The following NSUN6 variants were observed in gnomAD, a reference collection of about 807,000 sequenced individuals.
NSUN6 encodes NOP2/Sun RNA methyltransferase 6.
Under a neutral mutation model 58.0 loss-of-function variants are expected in NSUN6, and 64 were observed. That is an observed-to-expected ratio of 1.10 (90% CI 0.90 to 1.36). The LOEUF (loss-of-function observed/expected upper bound fraction) is 1.36. NSUN6 is among the 40% of genes most tolerant of loss of function. NSUN6 has a pLI of 0.00. For missense variants in NSUN6, 701 were observed against 550.1 expected (o/e 1.27, Z -2.74); for synonymous variants, 231 against 193.9 (o/e 1.19, Z -1.59).
chr10:18,569,176 TTCCATTCCATTC>T (rs943413484), intron 8 of NSUN6, among the ~76,000 whole-genome samples: 3 of 151,256 alleles, frequency 2.0e-5, no homozygotes, highest in Non-Finnish European at 4.4e-5. Flanking sequence ...CTCTATTCCA[TTCCATTCCATTC>T]TCCATTCCAT....
chr10:18,621,563 C>T (rs1014797527), intron 3 of NSUN6, among the ~76,000 whole-genome samples: 14 of 152,046 alleles, frequency 9.2e-5, no homozygotes, highest in African/African-American at 3.4e-4. Context: ...AAAGTTGGTG[C>T]AAGGCCATAA....
rs185409110 is a variant in NSUN6 at position 18,580,469 on chromosome 10, C to T, written c.922+5480G>A. Among the ~76,000 whole-genome samples the T allele has an allele frequency of 2.8e-3, 434 of 152,284 alleles. 4 individuals are homozygous for T. Among genetic ancestry groups the T allele is most frequent in the South Asian group, 0.016 (77 of 4,824 alleles). Reference sequence around the variant, plus strand: ...CTTGTTTCATGTGCCCCAGTTCCACCTTGCACAGGCTATAATTCCAGATAA... The same window carrying T: ...CTTGTTTCATGTGCCCCAGTTCCACTTTGCACAGGCTATAATTCCAGATAA... On this transcript the variant is annotated intron_variant, in intron 8 of 10. Transcript: ENST00000377304.
upstream of NSUN6, chr10:18,659,310 G>T (rs2059813519): frequency 3.2e-6 from 1 of 310,810 alleles, no homozygotes; most frequent in Non-Finnish European, 5.9e-6. Flanking sequence ...CCTAGCTTCC[G>T]GCGATGGGTG....
chr10:18,652,838 C>T (rs554274507), upstream of NSUN6: 22 of 927,070 alleles, frequency 2.4e-5, no homozygotes, highest in East Asian at 1.2e-3. Context: ...GGATTACAGG[C>T]GTGAGCCACC....
Position 18,596,250 on chromosome 10 carries a change from A to G in NSUN6, c.735T>C (p.Pro245=), listed in dbSNP as rs2057581440. ...GEKILDLCAA[P]GGKTTHIAAL... is the part of the protein sequence containing the mutation. ...CTGCAATGTGTGTTGTTTTCCCTCC[A>G]GGTGCTGCACACAAGTCTAGAATCT... Residue 245 remains proline (P), a synonymous_variant, in exon 7 of 11, where the codon CCT becomes CCC. Transcript: ENST00000377304. 3.7e-6 allele frequency: 6 copies of G among 1,610,690 alleles called. No homozygotes were observed. Among genetic ancestry groups the G allele is most frequent in the African/African-American group, 2.7e-5 (2 of 74,992 alleles).
chr10:18,552,014 G>A, intron 8 of NSUN6, 43 bp from the exon 9 acceptor site: 2 of 1,229,442 alleles, frequency 1.6e-6, no homozygotes, highest in Non-Finnish European at 1.2e-6. Context: ...TTCCATATAG[G>A]TTTAAACTAG....
At chr10:18,600,364 C>A (rs1675176791) in intron 6 of NSUN6, among the ~76,000 whole-genome samples, 1 of 152,222 alleles carries the variant, frequency 6.6e-6, no homozygotes, top group Non-Finnish European at 1.5e-5. Flanking sequence ...GTGGCTCATG[C>A]CTGTAATCCC....
intron 8 of NSUN6, among the ~76,000 whole-genome samples, chr10:18,575,161 G>A (rs2056586720): frequency 6.6e-6 from 1 of 152,146 alleles, no homozygotes; most frequent in African/African-American, 2.4e-5. Context: ...CCAATTGGGG[G>A]CCCCAGGCCA....
intron 8 of NSUN6, among the ~76,000 whole-genome samples, chr10:18,576,709 G>T (rs979752780): frequency 6.6e-6 from 1 of 152,292 alleles, no homozygotes; most frequent in African/African-American, 2.4e-5. Flanking sequence ...GACCGGAAGG[G>T]ATGCAGTGAG....
intron 8 of NSUN6, among the ~76,000 whole-genome samples, chr10:18,581,265 A>G (rs1457331020): frequency 6.6e-6 from 1 of 152,158 alleles, no homozygotes; most frequent in East Asian, 1.9e-4. Context: ...TCTTAGTCAC[A>G]GGATGATACA....
At chr10:18,636,192 C>G in intron 3 of NSUN6, among the ~76,000 whole-genome samples, 1 of 151,962 alleles carries the variant, frequency 6.6e-6, no homozygotes, top group Admixed American at 6.6e-5. Context: ...TAACCTTCGG[C>G]AAAGGGCAGG....
rs1374441619 is a variant in NSUN6 at position 18,548,156 on chromosome 10, C to A, written c.1153G>T (p.Ala385Ser). ...CAAGGAAATTTTGTCAGGGCCCAGG[C>A]AACCTGTTCTTCATTTTCGGCCAGT... ...ITLAENEEQV[A>S]WALTKFPCLQ... is the part of the protein sequence containing the mutation. The change falls in exon 10 of 11, where the codon GCC becomes TCC. Residue 385 changes from alanine to serine, a missense_variant. Ala to Ser is a moderately conservative substitution (Grantham distance 99). Coordinates refer to ENST00000377304, the MANE Select transcript of NSUN6 (RefSeq NM_182543.5). The A allele has an allele frequency of 6.2e-7, 1 of 1,613,862 alleles. No individual in the cohort carries two copies. The highest frequency in any genetic ancestry group is 8.5e-7 in the Non-Finnish European group (1 of 1,179,874).
intron 7 of NSUN6, among the ~76,000 whole-genome samples, chr10:18,592,360 GA>G (rs894420824): frequency 1.3e-5 from 2 of 151,990 alleles, no homozygotes; most frequent in Non-Finnish European, 1.5e-5. Context: ...AGCAGAATTA[GA>G]AAAAAATACT....
intron 8 of NSUN6, among the ~76,000 whole-genome samples, chr10:18,560,707 C>T (rs1217565948): frequency 8.2e-6 from 1 of 121,872 alleles, no homozygotes; most frequent in Non-Finnish European, 1.7e-5. Flanking sequence ...GAATGGAATG[C>T]AATGAGGAAT....
chr10:18,569,625 CCATTA>C (rs1215688216), intron 8 of NSUN6, among the ~76,000 whole-genome samples: 1 of 150,832 alleles, frequency 6.6e-6, no homozygotes, highest in Non-Finnish European at 1.5e-5. Flanking sequence ...AACCTCCATT[CCATTA>C]CATTCCATTC....
intron 8 of NSUN6, among the ~76,000 whole-genome samples, chr10:18,570,604 GTCCATTCCATTCCATTC>G (rs879808470): frequency 0.064 from 7,094 of 110,600 alleles, 259 homozygotes; most frequent in Non-Finnish European, 0.098. Context: ...CCATTCCACT[GTCCATTCCATTCCATTC>G]TCCATTCCAT....
intron 6 of NSUN6, among the ~76,000 whole-genome samples, 168 bp downstream of exon 6, chr10:18,609,673 AAAAG>A (rs1299084878): frequency 3.9e-5 from 6 of 152,088 alleles, no homozygotes; most frequent in African/African-American, 1.5e-4. Flanking sequence ...TGAGAAAAAG[AAAAG>A]AAAGGAGAAT....
chr10:18,615,198 TAC>T (rs1198052835), intron 4 of NSUN6, among the ~76,000 whole-genome samples: 1 of 152,008 alleles, frequency 6.6e-6, no homozygotes, highest in African/African-American at 2.4e-5. Flanking sequence ...GTATACAGTG[TAC>T]AGAGTTGCTT....
rs117323507 is a variant in NSUN6, at chr10:18,572,118, C to T, written c.922+13831G>A. ...CTCCATTTCATTTCACTCTCCCTTCCAGTTCAATCTCCATTCCCTTCCATT... is the reference window on the plus strand; with the variant it reads ...CTCCATTTCATTTCACTCTCCCTTCTAGTTCAATCTCCATTCCCTTCCATT... On this transcript the variant is annotated intron_variant, in intron 8 of 10. Transcript: ENST00000377304. Among the ~76,000 whole-genome samples the T allele has an allele frequency of 1.1e-4, 16 of 151,504 alleles. No individual in the cohort carries two copies. In the East Asian group the frequency reaches 3.1e-3, roughly 30 times the overall value.
Sources: allele counts gnomAD v4.1 joint callset (sites outside exome capture counted in the v4.1 genomes callset), GRCh38; gene constraint gnomAD v4.1.1; transcripts MANE v1.5; gene names NCBI Gene and HGNC (gene_info 2026-07-23, HGNC 2026-07-21).